Variants in SHPRH observed in about 807,000 individuals in gnomAD.
SHPRH encodes the protein SNF2 histone linker PHD RING helicase, also known as E3 ubiquitin-protein ligase SHPRH.
In SHPRH, 106 loss-of-function variants were observed where a neutral mutation model predicts 202.5. The ratio of observed to expected loss-of-function variants is 0.52; its 90% CI spans 0.45 to 0.62. The LOEUF is 0.62. SHPRH is among the 20% of genes least tolerant of loss of function. The probability of loss-of-function intolerance (pLI) is 0.00; values close to 1 mark genes in which losing one functional copy is unlikely to be tolerated. For synonymous variants in SHPRH, 729 were observed against 686.0 expected (o/e 1.06, Z -0.98); for missense variants, 1,710 against 2,020.0 (o/e 0.85, Z 2.94).
chr6:145,872,043 A>G (rs1780080063), intron 2 of SHPRH, among the ~76,000 whole-genome samples: 1 of 152,176 alleles, frequency 6.6e-6, no homozygotes, highest in African/African-American at 2.4e-5. Context: ...ACAAAAATCA[A>G]CTCAAGATGG....
the SHPRH span, among the ~76,000 whole-genome samples, chr6:145,858,652 G>C: frequency 6.6e-6 from 1 of 152,110 alleles, no homozygotes; most frequent in South Asian, 2.1e-4. Flanking sequence ...TGTGGTGATG[G>C]TTTCATGGAT....
chr6:145,918,259 TTTA>T, intron 22 of SHPRH, 27 bp from the exon 23 acceptor site: 1 of 1,406,842 alleles, frequency 7.1e-7, no homozygotes, highest in Non-Finnish European at 9.5e-7. Flanking sequence ...TAAAAACTTC[TTTA>T]TTCTTTCAGA....
intron 28 of SHPRH, among the ~76,000 whole-genome samples, chr6:145,892,787 G>A (rs1374756573): frequency 6.6e-6 from 1 of 152,034 alleles, no homozygotes; most frequent in Non-Finnish European, 1.5e-5. Context: ...TTTAAAAGGA[G>A]CCATTTATTT....
downstream of SHPRH, among the ~76,000 whole-genome samples, chr6:145,863,886 A>G (rs1466396157): frequency 6.6e-6 from 1 of 152,240 alleles, no homozygotes; most frequent in Non-Finnish European, 1.5e-5. Flanking sequence ...GATATAAGTC[A>G]ATGAAGAATT....
At chr6:145,954,569 C>A in intron 2 of SHPRH, 121 bp downstream of exon 2, 1 of 1,042,182 alleles carries the variant, frequency 9.6e-7, no homozygotes, top group Non-Finnish European at 1.4e-6. Flanking sequence ...TTAAAGTGTA[C>A]TTTGAAACTT....
intron 13 of SHPRH, 168 bp from the exon 14 acceptor site, chr6:145,933,346 T>A: frequency 1.1e-6 from 1 of 923,930 alleles, no homozygotes; most frequent in Non-Finnish European, 1.6e-6. Context: ...CCCACATAAG[T>A]ACCTTTATTT....
chr6:145,948,372 A>G (rs956298862), intron 4 of SHPRH, 22 bp from the exon 5 acceptor site: 8 of 1,577,472 alleles, frequency 5.1e-6, no homozygotes, highest in Non-Finnish European at 6.9e-6. Context: ...TATAATCATA[A>G]TAACAAATTT....
At chr6:145,899,622 G>C (rs2265472) in intron 25 of SHPRH, among the ~76,000 whole-genome samples, 56,331 of 151,892 alleles carry the variant, frequency 0.37, 10,963 homozygotes, top group South Asian at 0.49. Context: ...TTTTGGATAT[G>C]ACCCAAAAAA....
chr6:145,941,235 T>C (rs914952990), intron 10 of SHPRH, among the ~76,000 whole-genome samples: 1 of 152,172 alleles, frequency 6.6e-6, no homozygotes, highest in African/African-American at 2.4e-5. Flanking sequence ...GTATTTTCTG[T>C]TACCATTTGG....
At chr6:145,904,133 T>G (rs972588267) in intron 25 of SHPRH, 2 of 152,100 alleles carry the variant, frequency 1.3e-5, no homozygotes, top group African/African-American at 4.8e-5. Flanking sequence ...AATAGTTTTA[T>G]GCTTTCCAAA....
At chr6:145,887,913 G>A (rs1456797585) in intron 29 of SHPRH, 107 bp downstream of exon 29, 19 of 829,776 alleles carry the variant, frequency 2.3e-5, no homozygotes, top group Admixed American at 2.1e-4. Flanking sequence ...TTTTAAAAAC[G>A]TATTTGTGCT....
At chr6:145,900,000 GAT>G (rs1416521489) in intron 25 of SHPRH, among the ~76,000 whole-genome samples, 2 of 152,016 alleles carry the variant, frequency 1.3e-5, no homozygotes, top group Non-Finnish European at 2.9e-5. Context: ...AAAGACAAGA[GAT>G]AAGTATTGGT....
intron 9 of SHPRH, among the ~76,000 whole-genome samples, chr6:145,942,809 T>G (rs565050771): frequency 6.6e-6 from 1 of 152,286 alleles, no homozygotes; most frequent in South Asian, 2.1e-4. Context: ...TAGCTCCTAT[T>G]ACACAGTGCT....
intron 6 of SHPRH, among the ~76,000 whole-genome samples, chr6:145,946,701 GTTAAGTCAATATA>G (rs1787417699): frequency 6.6e-6 from 1 of 151,852 alleles, no homozygotes; most frequent in East Asian, 1.9e-4. Flanking sequence ...GTTACTGATA[GTTAAGTCAATATA>G]TTCCAAGTCA....
rs1562313216 is a variant in SHPRH, at chr6:145,913,552, A to G, written c.4255-3T>C. ...CCTCCCGATGTTTTATCTTGAGACTATCCAAAAAAGAATTAAAAAATATAT... is the reference window on the plus strand; with the variant it reads ...CCTCCCGATGTTTTATCTTGAGACTGTCCAAAAAAGAATTAAAAAATATAT... On this transcript the variant is annotated splice_polypyrimidine_tract_variant and splice_region_variant and intron_variant, in intron 23 of 29. Transcript: ENST00000275233. 1 of 1,603,674 alleles carries G rather than the reference A, an allele frequency of 6.2e-7. No homozygotes were observed. Among genetic ancestry groups the G allele is most frequent in the Non-Finnish European group, 8.5e-7 (1 of 1,176,164 alleles).
intron 25 of SHPRH, among the ~76,000 whole-genome samples, chr6:145,896,334 GA>G (rs1355877064): frequency 6.6e-6 from 1 of 151,978 alleles, no homozygotes; most frequent in African/African-American, 2.4e-5. Flanking sequence ...GATCATTTCA[GA>G]ATTTAGACAA....
At chr6:145,911,057 T>C (rs1453853578) in intron 24 of SHPRH, among the ~76,000 whole-genome samples, 2 of 152,160 alleles carry the variant, frequency 1.3e-5, no homozygotes, top group African/African-American at 4.8e-5. Context: ...GAAAATAATA[T>C]GGGATAGTAT....
intron 2 of SHPRH, among the ~76,000 whole-genome samples, chr6:145,875,335 T>C (rs534136953): frequency 1.3e-5 from 2 of 152,292 alleles, no homozygotes; most frequent in African/African-American, 2.4e-5. Flanking sequence ...TTATAATGCA[T>C]AGGACAGGCC....
intron 2 of SHPRH, among the ~76,000 whole-genome samples, chr6:145,875,511 T>C (rs936151290): frequency 6.6e-6 from 1 of 152,218 alleles, no homozygotes; most frequent in Non-Finnish European, 1.5e-5. Flanking sequence ...GAAGGAAGAC[T>C]GGCCCTCTAG....
Sources: allele counts gnomAD v4.1 joint callset (sites outside exome capture counted in the v4.1 genomes callset), GRCh38; gene constraint gnomAD v4.1.1; transcripts MANE v1.5; gene names NCBI Gene and HGNC (gene_info 2026-07-23, HGNC 2026-07-21).